SLCO6A1: variants seen among roughly 807,000 people sequenced by gnomAD.
The protein encoded by SLCO6A1 is solute carrier organic anion transporter family member 6A1, also known as cancer/testis antigen 48.
Under a neutral mutation model 72.7 loss-of-function variants are expected in SLCO6A1, and 65 were observed. The observed-to-expected ratio is 0.89, with a 90% CI of 0.73 to 1.10. The LOEUF (loss-of-function observed/expected upper bound fraction) is 1.10, where lower values mean the gene tolerates loss of function less well. Ranked by LOEUF, SLCO6A1 falls within the 50% of genes least tolerant of loss-of-function variation. The pLI, the probability that SLCO6A1 is intolerant of heterozygous loss-of-function variation, is 0.00. For synonymous variants in SLCO6A1, 314 were observed against 298.2 expected (o/e 1.05, Z -0.55); for missense variants, 874 against 872.6 (o/e 1.00, Z -0.02).
At chr5:102,444,109 G>C (rs1271681835) in intron 6 of SLCO6A1, among the ~76,000 whole-genome samples, 1 of 152,108 alleles carries the variant, frequency 6.6e-6, no homozygotes, top group Non-Finnish European at 1.5e-5. Flanking sequence ...ATAAGAGTAG[G>C]ATCTGCAAAT....
chr5:102,383,656 A>T (rs540303283), intron 12 of SLCO6A1, among the ~76,000 whole-genome samples: 8 of 151,778 alleles, frequency 5.3e-5, no homozygotes, highest in African/African-American at 1.9e-4. Context: ...CCTTAATTTT[A>T]TCTTCTTTGG....
chr5:102,411,037 G>A (rs530908391), intron 9 of SLCO6A1, among the ~76,000 whole-genome samples: 3 of 152,280 alleles, frequency 2.0e-5, no homozygotes, highest in Admixed American at 6.5e-5. Flanking sequence ...CAATCTCTAG[G>A]TGTGGAAAAG....
intron 10 of SLCO6A1, among the ~76,000 whole-genome samples, chr5:102,393,162 C>T (rs773600622): frequency 1.3e-5 from 2 of 152,110 alleles, no homozygotes; most frequent in African/African-American, 2.4e-5. Context: ...CCAATAACCA[C>T]CCTTATCCCT....
intron 12 of SLCO6A1, among the ~76,000 whole-genome samples, chr5:102,387,564 TTTTG>T: frequency 6.6e-6 from 1 of 152,324 alleles, no homozygotes; most frequent in East Asian, 1.9e-4. Flanking sequence ...ACTTTTTTGA[TTTTG>T]TTTTATTTTA....
chr5:102,396,022 C>T (rs1184814242), intron 10 of SLCO6A1, among the ~76,000 whole-genome samples: 3 of 151,958 alleles, frequency 2.0e-5, no homozygotes. Flanking sequence ...GTTTCTTTTG[C>T]TGTGCAGAAG....
intron 4 of SLCO6A1, among the ~76,000 whole-genome samples, chr5:102,463,570 T>C (rs551174410): frequency 1.4e-4 from 21 of 152,276 alleles, no homozygotes; most frequent in Non-Finnish European, 2.8e-4. Context: ...ATATACACCA[T>C]GGAATACTAC....
intron 4 of SLCO6A1, 94 bp downstream of exon 4, chr5:102,475,603 C>T (rs1751853674): frequency 1.4e-6 from 1 of 730,194 alleles, no homozygotes; most frequent in African/African-American, 1.8e-5. Flanking sequence ...ATGGTTATTA[C>T]AAATTAAATA....
chr5:102,476,566 A>G (rs915934596), intron 3 of SLCO6A1, among the ~76,000 whole-genome samples: 3 of 152,136 alleles, frequency 2.0e-5, no homozygotes, highest in Non-Finnish European at 4.4e-5. Context: ...TGTCTTTACA[A>G]CTAGGTGTCA....
At chr5:102,413,686 C>A (rs867101434) in intron 8 of SLCO6A1, among the ~76,000 whole-genome samples, 1 of 152,096 alleles carries the variant, frequency 6.6e-6, no homozygotes, top group Non-Finnish European at 1.5e-5. Context: ...TTTTAAGAAA[C>A]TGTCAGTTTT....
intron 1 of SLCO6A1, among the ~76,000 whole-genome samples, chr5:102,496,866 T>C (rs1159108705): frequency 6.6e-6 from 1 of 152,192 alleles, no homozygotes; most frequent in African/African-American, 2.4e-5. Context: ...CAAAACACGA[T>C]TCATTAACTC....
intron 2 of SLCO6A1, among the ~76,000 whole-genome samples, chr5:102,479,761 C>T (rs1486925309): frequency 6.6e-6 from 1 of 152,128 alleles, no homozygotes; most frequent in Non-Finnish European, 1.5e-5. Context: ...GATGTGGCTG[C>T]ACAACCATGC....
rs567964050 is a variant in SLCO6A1 at position 102,386,414 on chromosome 5, C to A, written c.2017+2274G>T. Among the ~76,000 whole-genome samples, 5 of 152,244 alleles carry A rather than the reference C, an allele frequency of 3.3e-5. No individual in the cohort carries two copies. The East Asian group carries it at 7.8e-4, about 24-fold the overall frequency. On this transcript the variant is annotated intron_variant, in intron 12 of 13. Transcript: ENST00000506729. ...TGTTTCTGCATCTGCAGAGGTGGTT[C>A]TAAAGCATGGGTCTGCAGGGGCCAG...
At chr5:102,398,099 A>G (rs1305132653) in intron 10 of SLCO6A1, among the ~76,000 whole-genome samples, 1 of 152,150 alleles carries the variant, frequency 6.6e-6, no homozygotes, top group Admixed American at 6.5e-5. Flanking sequence ...ATTATCATTC[A>G]TTCAGTTCCA....
intron 9 of SLCO6A1, among the ~76,000 whole-genome samples, chr5:102,400,785 G>T (rs1747354521): frequency 6.6e-6 from 1 of 152,036 alleles, no homozygotes; most frequent in Non-Finnish European, 1.5e-5. Context: ...GATAGGTGAA[G>T]TTGCTGAGAG....
intron 9 of SLCO6A1, among the ~76,000 whole-genome samples, chr5:102,411,090 T>C (rs2112582292): frequency 6.6e-6 from 1 of 152,248 alleles, no homozygotes; most frequent in African/African-American, 2.4e-5. Flanking sequence ...CGCTGTTAAG[T>C]AGCATAGAGC....
At chr5:102,396,212 T>G (rs1247026747) in intron 10 of SLCO6A1, among the ~76,000 whole-genome samples, 2 of 152,058 alleles carry the variant, frequency 1.3e-5, no homozygotes, top group Admixed American at 6.6e-5. Context: ...TTGAATTAAT[T>G]TTTGTATAAG....
At chr5:102,494,725 G>T (rs898384304) in intron 1 of SLCO6A1, among the ~76,000 whole-genome samples, 1 of 152,172 alleles carries the variant, frequency 6.6e-6, no homozygotes, top group African/African-American at 2.4e-5. Flanking sequence ...CACTGGAATA[G>T]CTAAAATTTT....
chr5:102,480,524 G>A (rs10041652), intron 1 of SLCO6A1, 90 bp from the exon 2 acceptor site: 313,754 of 1,224,122 alleles, frequency 0.26, 43,950 homozygotes, highest in Middle Eastern at 0.28. Flanking sequence ...ATTACATGAT[G>A]TAAGTTTATT....
chr5:102,453,216 G>A (rs1340721368), intron 6 of SLCO6A1, among the ~76,000 whole-genome samples: 1 of 151,890 alleles, frequency 6.6e-6, no homozygotes, highest in Admixed American at 6.6e-5. Context: ...AAAATTAGCT[G>A]GGTATGGTGA....
Sources: allele counts gnomAD v4.1 joint callset (sites outside exome capture counted in the v4.1 genomes callset), GRCh38; gene constraint gnomAD v4.1.1; transcripts MANE v1.5; gene names NCBI Gene and HGNC (gene_info 2026-07-23, HGNC 2026-07-21).